The following GCFC2 variants were observed in gnomAD, a reference collection of about 807,000 sequenced individuals.
GCFC2 encodes the protein GC-rich sequence DNA-binding factor 2.
Under a neutral mutation model 99.4 loss-of-function variants are expected in GCFC2, and 102 were observed. The ratio of observed to expected loss-of-function variants is 1.03; its 90% CI spans 0.87 to 1.21. The LOEUF (loss-of-function observed/expected upper bound fraction) is 1.21, where lower values mean the gene tolerates loss of function less well. Ranked by LOEUF, GCFC2 falls within the 50% of genes most tolerant of loss-of-function variation. The pLI is 0.00. For synonymous variants in GCFC2, 338 were observed against 316.8 expected, an observed-to-expected ratio of 1.07 and a Z score of -0.71; for missense variants, 973 against 920.9, an observed-to-expected ratio of 1.06 and a Z score of -0.73.
At chr2:75,696,958 T>C (rs1680355757) in intron 4 of GCFC2, among the ~76,000 whole-genome samples, 1 of 152,060 alleles carries the variant, frequency 6.6e-6, no homozygotes. Context: ...GTGAATTTTT[T>C]TGTATTTTTA....
intron 10 of GCFC2, 68 bp from the exon 11 acceptor site, chr2:75,688,045 A>T: frequency 1.1e-6 from 1 of 938,784 alleles, no homozygotes; most frequent in Non-Finnish European, 1.6e-6. Context: ...AATAGTTATT[A>T]TTTTTTTCAA....
chr2:75,710,335 G>A, intron 1 of GCFC2: 1 of 707,780 alleles, frequency 1.4e-6, no homozygotes, highest in Non-Finnish European at 2.0e-6. Context: ...AACTGATGGT[G>A]AAAACGAAGA....
At chr2:75,692,374 AG>A (rs72428170) in intron 6 of GCFC2, among the ~76,000 whole-genome samples, 72,997 of 151,852 alleles carry the variant, frequency 0.48, 18,570 homozygotes, top group African/African-American at 0.67. Context: ...AATGGGGGCC[AG>A]GATGTGGTAG....
At position 75,691,984 on chromosome 2, in the gene GCFC2, CTG is replaced by C. The variant is rs1680092230; in HGVS notation, c.1135_1136del (p.Gln379ValfsTer6). 2.6e-6 allele frequency: 4 copies of C among 1,516,194 alleles called. No individual in the cohort carries two copies. The South Asian group carries it at 4.0e-5, about 15-fold the overall frequency. 93.9% of individuals were successfully genotyped at this position (1,516,194 alleles called of 1,614,324 possible). A position where few individuals can be genotyped will look rare whatever the true frequency, so the allele number is the denominator to read the frequency against. On this transcript the variant is annotated frameshift_variant, in exon 7 of 17. Transcript: ENST00000321027. LOFTEE classifies it high-confidence loss of function. ...AACACGAAAAACACTAACGTGATAA[CTG>C]TTGTAAATACGTTGATTCATGTTTT... ...ELKHESTYLQQLSRKDETSTS... is the reference protein window; with the variant it reads ...ELKHESTYLQXLSRKDETSTS...
At chr2:75,686,814 T>C (rs1383357238) in intron 11 of GCFC2, among the ~76,000 whole-genome samples, 1 of 152,206 alleles carries the variant, frequency 6.6e-6, no homozygotes, top group African/African-American at 2.4e-5. Context: ...CTCAGTGACA[T>C]AGTGAAACGG....
At chr2:75,690,449 A>G (rs1224223884) in intron 8 of GCFC2, 189 bp downstream of exon 8, 2 of 554,790 alleles carry the variant, frequency 3.6e-6, no homozygotes, top group Non-Finnish European at 6.3e-6. Flanking sequence ...CTTTTAACTG[A>G]TCCAAATACA....
intron 11 of GCFC2, among the ~76,000 whole-genome samples, chr2:75,686,426 G>A (rs1679820428): frequency 6.6e-6 from 1 of 152,058 alleles, no homozygotes; most frequent in Non-Finnish European, 1.5e-5. Context: ...AGTTGCCTAA[G>A]AAGCAATTAT....
intron 12 of GCFC2, among the ~76,000 whole-genome samples, chr2:75,678,784 T>C (rs1243968226): frequency 6.6e-6 from 1 of 152,204 alleles, no homozygotes. Flanking sequence ...GGTTTTGCTG[T>C]TGCCCAGGCT....
intron 11 of GCFC2, among the ~76,000 whole-genome samples, chr2:75,686,039 A>G (rs993545242): frequency 6.6e-6 from 1 of 152,174 alleles, no homozygotes; most frequent in African/African-American, 2.4e-5. Flanking sequence ...GTAGAATTCA[A>G]TCACTATTTG....
Position 75,691,306 on chromosome 2 carries a change from T to C in GCFC2, c.1145-587A>G, listed in dbSNP as rs111734024. On this transcript the variant is annotated intron_variant, in intron 7 of 16. Transcript: ENST00000321027. ...GGTATCTCTCTCTCAAAATATCTTATTGTACTGTACTTATTCATTTTTGGA... is the reference window on the plus strand; with the variant it reads ...GGTATCTCTCTCTCAAAATATCTTACTGTACTGTACTTATTCATTTTTGGA... Among the ~76,000 whole-genome samples, 406 of 152,334 alleles carry C rather than the reference T, an allele frequency of 2.7e-3. 3 individuals are homozygous for C. Among genetic ancestry groups the C allele is most frequent in the Middle Eastern group, 0.01 (3 of 294 alleles).
intron 1 of GCFC2, among the ~76,000 whole-genome samples, chr2:75,706,906 G>A (rs1306757547): frequency 1.3e-5 from 2 of 151,944 alleles, no homozygotes; most frequent in Non-Finnish European, 2.9e-5. Flanking sequence ...GAAAAGGGAA[G>A]GAGGCATTAG....
rs1678818514 is a variant in GCFC2, at chr2:75,665,922, G to A, written c.2228+7C>T. The A allele has an allele frequency of 1.9e-6, 3 of 1,556,890 alleles. No individual in the cohort carries two copies. The African/African-American group carries it at 4.1e-5, about 21-fold the overall frequency. On this transcript the variant is annotated splice_region_variant and intron_variant, in intron 16 of 16. Transcript: ENST00000321027. The stretch of plus-strand genomic sequence containing the variant: ...CTTTATAGAAGTGAAAATAAAATAT[G>A]CATTACCTGAATTCACTTCTAGATA...
intron 1 of GCFC2, 89 bp downstream of exon 1, chr2:75,710,502 T>C (rs904321541): frequency 1.8e-5 from 25 of 1,399,996 alleles, no homozygotes; most frequent in Middle Eastern, 2.6e-4. Context: ...CAGCAAGTTA[T>C]AGAACCCCCA....
At chr2:75,690,125 T>A in intron 8 of GCFC2, 44 bp from the exon 9 acceptor site, 1 of 1,116,946 alleles carries the variant, frequency 9.0e-7, no homozygotes, top group South Asian at 1.3e-5. Flanking sequence ...AGTAAGTAGT[T>A]CTTGCTGAAA....
chr2:75,676,915 A>G (rs1161163612), intron 12 of GCFC2, among the ~76,000 whole-genome samples: 1 of 152,200 alleles, frequency 6.6e-6, no homozygotes, highest in Non-Finnish European at 1.5e-5. Flanking sequence ...ACATTTCATT[A>G]GTATGTATTT....
intron 11 of GCFC2, among the ~76,000 whole-genome samples, chr2:75,681,451 C>T (rs1679574418): frequency 6.6e-6 from 1 of 151,916 alleles, no homozygotes; most frequent in Non-Finnish European, 1.5e-5. Context: ...AGGAGATTCC[C>T]TCCAGTGCCT....
intron 14 of GCFC2, 54 bp downstream of exon 14, chr2:75,671,896 A>G (rs1299239522): frequency 2.4e-6 from 2 of 830,022 alleles, no homozygotes; most frequent in Admixed American, 3.5e-5. Context: ...TTTGTTCTAT[A>G]GTAAACAGGA....
chr2:75,665,714 T>A (rs775172808), intron 16 of GCFC2, among the ~76,000 whole-genome samples: 3 of 152,238 alleles, frequency 2.0e-5, no homozygotes, highest in Non-Finnish European at 4.4e-5. Context: ...TGTGCTATAG[T>A]TTTTTGAATT....
At chr2:75,692,166 T>A (rs182810843) in intron 6 of GCFC2, 66 bp from the exon 7 acceptor site, 1 of 445,744 alleles carries the variant, frequency 2.2e-6, no homozygotes, top group Non-Finnish European at 3.4e-6. Context: ...TATATATATA[T>A]ATATAAAAGT....
Sources: allele counts gnomAD v4.1 joint callset (sites outside exome capture counted in the v4.1 genomes callset), GRCh38; gene constraint gnomAD v4.1.1; transcripts MANE v1.5; gene names NCBI Gene and HGNC (gene_info 2026-07-23, HGNC 2026-07-21).